Variants in KRAS observed in about 807,000 individuals in gnomAD.
KRAS encodes GTPase KRas.
In KRAS, 1 loss-of-function variant was observed where a neutral mutation model predicts 21.0. The observed-to-expected ratio is 0.05, with a 90% CI of 0.02 to 0.23. The LOEUF is 0.23. Among genes scored for constraint, KRAS ranks in the 10% least tolerant of loss-of-function variants. The pLI, the probability that KRAS is intolerant of heterozygous loss-of-function variation, is 1.00. For missense variants in KRAS, 107 were observed against 221.8 expected (o/e 0.48, Z 3.29); for synonymous variants, 67 against 72.5 (o/e 0.92, Z 0.39).
At chr12:25,250,080 T>C (rs893745668) in intron 1 of KRAS, among the ~76,000 whole-genome samples, 4 of 151,556 alleles carry the variant, frequency 2.6e-5, no homozygotes, top group African/African-American at 9.7e-5. Context: ...GAGGGGAGCA[T>C]TCAGGAACTC....
chr12:25,224,329 A>G lies in KRAS; in HGVS notation c.450+1285T>C, dbSNP rs558575237. On this transcript the variant is annotated intron_variant, in intron 4 of 4. Transcript: ENST00000311936. ...CCCCTGAAGATCTTCCAGTGGGACAAGATGTGGAAGTGGAAGACAATGATA... is the reference window on the plus strand; with the variant it reads ...CCCCTGAAGATCTTCCAGTGGGACAGGATGTGGAAGTGGAAGACAATGATA... Among the ~76,000 whole-genome samples, 7 of 152,182 alleles carry G rather than the reference A, an allele frequency of 4.6e-5. No homozygotes were observed. In the South Asian group the frequency reaches 1.5e-3, roughly 32 times the overall value.
chr12:25,229,564 T>C (rs1163448906), intron 2 of KRAS, among the ~76,000 whole-genome samples: 1 of 152,164 alleles, frequency 6.6e-6, no homozygotes, highest in Non-Finnish European at 1.5e-5. Context: ...AAAAATCTGA[T>C]TTTCTTCTGA....
At position 25,209,375 on chromosome 12, in the gene KRAS, C is replaced by G. The variant is rs1276380820; in HGVS notation, c.*420G>C. On this transcript the variant is annotated 3_prime_UTR_variant, in exon 5 of 5. Transcript: ENST00000311936. ...GTTCCCTCAATGTTTCAGTAAAAAC[C>G]AATTAGAAGGTCTCAACTGAAATTA... 5 of 685,982 alleles carry G rather than the reference C, an allele frequency of 7.3e-6. No individual in the cohort carries two copies. Among genetic ancestry groups the G allele is most frequent in the African/African-American group, 1.8e-5 (1 of 54,104 alleles). The allele number at this position is 685,982 out of a possible 1,614,324, so 42.5% of individuals were successfully genotyped here. A position where few individuals can be genotyped will look rare whatever the true frequency, so the allele number is the denominator to read the frequency against.
chr12:25,219,739 T>C (rs1951298594), intron 4 of KRAS, among the ~76,000 whole-genome samples: 1 of 152,176 alleles, frequency 6.6e-6, no homozygotes, highest in Non-Finnish European at 1.5e-5. Context: ...AAACCACTAC[T>C]TGGGAGACTA....
At position 25,245,369 on chromosome 12, in the gene KRAS, G is replaced by C. The variant is rs1296330213; in HGVS notation, c.16C>G (p.Leu6Val). The C allele has an allele frequency of 6.2e-7, 1 of 1,611,824 alleles. No individual in the cohort carries two copies. Among genetic ancestry groups the C allele is most frequent in the African/African-American group, 1.3e-5 (1 of 74,844 alleles). Residue 6 changes from leucine (L) to valine (V), a missense_variant, in exon 2 of 5, where the codon CTT becomes GTT. Physicochemically the swap from Leu to Val is conservative, Grantham distance 32 (BLOSUM62 1). Transcript: ENST00000311936. The stretch of plus-strand genomic sequence containing the variant: ...ACGCCACCAGCTCCAACTACCACAA[G>C]TTTATATTCAGTCATTTTCAGCAGG... MTEYK[L>V]VVVGAGGVGK...
rs200038818 is a variant in KRAS, at chr12:25,208,374, GTTT to G, written c.*1418_*1420del. ...ACATTTTAAATTTATCAAAAGGATT[GTTT>G]TTATTTTTATTTTAAAGCATTATTA... is the stretch of plus-strand genomic sequence containing the variant. On this transcript the variant is annotated 3_prime_UTR_variant, in exon 5 of 5. Transcript: ENST00000311936. 545 of 232,756 alleles carry G rather than the reference GTTT, an allele frequency of 2.3e-3. 8 individuals are homozygous for G. The East Asian group carries it at 0.031, about 13-fold the overall frequency. 14.4% of individuals were successfully genotyped at this position (232,756 alleles called of 1,614,324 possible).
rs4362222 is a variant in KRAS, at chr12:25,215,528, T to C, written c.451-5617A>G. Reference sequence around the variant, plus strand: ...TTTTCAATCTGTATTGTCGGATCTCTCTCACCAATGTATAAAAAGCATCCT... The same window carrying C: ...TTTTCAATCTGTATTGTCGGATCTCCCTCACCAATGTATAAAAAGCATCCT... On this transcript the variant is annotated intron_variant, in intron 4 of 4. Transcript: ENST00000311936. 441 of 1,612,266 alleles carry C rather than the reference T, an allele frequency of 2.7e-4. 1 individual carries two copies. The African/African-American group carries it at 5.0e-3, about 18-fold the overall frequency.
intron 4 of KRAS, among the ~76,000 whole-genome samples, chr12:25,222,437 A>T (rs1951338794): frequency 6.6e-6 from 1 of 152,096 alleles, no homozygotes; most frequent in African/African-American, 2.4e-5. Flanking sequence ...GCAAATCAAC[A>T]AGTCCATTTA....
chr12:25,231,427 T>TA (rs1464801052), intron 2 of KRAS, among the ~76,000 whole-genome samples: 1 of 152,124 alleles, frequency 6.6e-6, no homozygotes, highest in Non-Finnish European at 1.5e-5. Context: ...TGAGTATCCC[T>TA]ACTCTGAAAA....
At chr12:25,213,083 A>T (rs1309621962) in intron 4 of KRAS, among the ~76,000 whole-genome samples, 12 of 151,934 alleles carry the variant, frequency 7.9e-5, no homozygotes, top group Non-Finnish European at 1.2e-4. Context: ...ATTTTTTTTT[A>T]AATTGTATTT....
At chr12:25,236,712 AC>A (rs1399468425) in intron 2 of KRAS, among the ~76,000 whole-genome samples, 1 of 152,082 alleles carries the variant, frequency 6.6e-6, no homozygotes, top group Non-Finnish European at 1.5e-5. Flanking sequence ...ACAAGAAATG[AC>A]AAAATCTGAA....
At position 25,209,929 on chromosome 12, in the gene KRAS, T is replaced by C. The variant is rs200189105; in HGVS notation, c.451-18A>G. 260 of 1,586,470 alleles carry C rather than the reference T, an allele frequency of 1.6e-4. No homozygotes were observed. In the African/African-American group the frequency reaches 3.3e-3, roughly 20 times the overall value. ...TCAACACCCTGAAATACATAAAAAGTATTAAAATGTGAATATATACGATGG... is the reference window on the plus strand; with the variant it reads ...TCAACACCCTGAAATACATAAAAAGCATTAAAATGTGAATATATACGATGG... On this transcript the variant is annotated intron_variant, in intron 4 of 4. Transcript: ENST00000311936.
intron 2 of KRAS, among the ~76,000 whole-genome samples, chr12:25,229,196 GTTA>G (rs1951434071): frequency 6.6e-6 from 1 of 152,130 alleles, no homozygotes; most frequent in African/African-American, 2.4e-5. Context: ...GTAACAAAAA[GTTA>G]TTGACAAAAC....
intron 2 of KRAS, among the ~76,000 whole-genome samples, chr12:25,229,723 C>T (rs1951440907): frequency 6.6e-6 from 1 of 150,764 alleles, no homozygotes; most frequent in East Asian, 1.9e-4. Flanking sequence ...AACATAAAAG[C>T]AATTATTTTC....
chr12:25,224,618 A>T (rs1402044312), intron 4 of KRAS, among the ~76,000 whole-genome samples: 1 of 152,154 alleles, frequency 6.6e-6, no homozygotes, highest in African/African-American at 2.4e-5. Context: ...ACAGAAATTT[A>T]AAAAAATATA....
chr12:25,224,866 CCT>C lies in KRAS; in HGVS notation c.450+746_450+747del, dbSNP rs1331989137. 4.6e-5 allele frequency among the ~76,000 whole-genome samples: 7 copies of C among 152,164 alleles called. No individual in the cohort carries two copies. In the East Asian group the frequency reaches 1.4e-3, roughly 29 times the overall value. Reference sequence around the variant, plus strand: ...AACAATGTATTTCTTAGAAAGTATCCCTGTCATTAAGAGACATATGACTACAT... The same window carrying C: ...AACAATGTATTTCTTAGAAAGTATCCGTCATTAAGAGACATATGACTACAT... On this transcript the variant is annotated intron_variant, in intron 4 of 4. Coordinates refer to ENST00000311936, the MANE Select transcript of KRAS (RefSeq NM_004985.5).
At chr12:25,218,881 A>C (rs1317945835) in intron 4 of KRAS, among the ~76,000 whole-genome samples, 2 of 151,972 alleles carry the variant, frequency 1.3e-5, no homozygotes, top group African/African-American at 4.8e-5. Context: ...TGAGAATAGG[A>C]CTTGTTGCCA....
At chr12:25,237,288 T>C (rs1951555873) in intron 2 of KRAS, among the ~76,000 whole-genome samples, 1 of 152,156 alleles carries the variant, frequency 6.6e-6, no homozygotes, top group Non-Finnish European at 1.5e-5. Flanking sequence ...TTTGGGGTGA[T>C]AATAACATTC....
At chr12:25,220,051 T>G (rs1951302678) in intron 4 of KRAS, among the ~76,000 whole-genome samples, 1 of 152,174 alleles carries the variant, frequency 6.6e-6, no homozygotes, top group Non-Finnish European at 1.5e-5. Context: ...GAATGAGGAG[T>G]AACAGATACC....
Sources: allele counts gnomAD v4.1 joint callset (sites outside exome capture counted in the v4.1 genomes callset), GRCh38; gene constraint gnomAD v4.1.1; transcripts MANE v1.5; gene names NCBI Gene and HGNC (gene_info 2026-07-23, HGNC 2026-07-21).